Variants in RALYL observed in about 807,000 individuals in gnomAD.
RALYL encodes RALY RNA binding protein like, also known as RNA-binding Raly-like protein.
RALYL carries 29 observed loss-of-function variants against 35.1 expected under a neutral mutation model. That is an observed-to-expected ratio of 0.83 (90% CI 0.61 to 1.13). The LOEUF (loss-of-function observed/expected upper bound fraction) is 1.13. RALYL is among the 50% of genes most tolerant of loss of function. The pLI is 0.00. For missense variants in RALYL, 359 were observed against 360.4 expected, an observed-to-expected ratio of 1.00 and a Z score of 0.03; for synonymous variants, 120 against 127.6, an observed-to-expected ratio of 0.94 and a Z score of 0.40.
intron 2 of RALYL, among the ~76,000 whole-genome samples, chr8:84,732,672 A>ATATATATATATGTG (rs1846422443): frequency 7.2e-6 from 1 of 138,222 alleles, no homozygotes; most frequent in African/African-American, 2.9e-5. Context: ...AAATAATTAT[A>ATATATATATATGTG]TATATATATA....
At chr8:84,887,535 T>A (rs1162461585) in intron 7 of RALYL, 69 bp from the exon 8 acceptor site, 5 of 1,424,540 alleles carry the variant, frequency 3.5e-6, no homozygotes, top group Non-Finnish European at 4.8e-6. Flanking sequence ...TGGACTGTTT[T>A]TTCATGGTTT....
intron 2 of RALYL, among the ~76,000 whole-genome samples, chr8:84,690,530 G>T (rs1035371096): frequency 5.3e-5 from 8 of 152,076 alleles, no homozygotes; most frequent in African/African-American, 1.9e-4. Flanking sequence ...AATGGTAATG[G>T]ATGTGTTAAG....
chr8:84,204,156 C>T (rs1358749530), intron 1 of RALYL, among the ~76,000 whole-genome samples: 2 of 151,360 alleles, frequency 1.3e-5, no homozygotes, highest in East Asian at 1.9e-4. Context: ...AATAAGAACA[C>T]AGAAATATCA....
rs568566752 is a variant in RALYL, at chr8:84,380,029, A to G, written c.-23-149270A>G. ...ACCCATCAGGTGATAAGAAACTTTA[A>G]TGGTGGTAGACTATATGCTTCTCAA... On this transcript the variant is annotated intron_variant, in intron 1 of 8. Coordinates refer to ENST00000521268, the MANE Select transcript of RALYL (RefSeq NM_173848.7). Among the ~76,000 whole-genome samples, 8 of 151,352 alleles carry G rather than the reference A, an allele frequency of 5.3e-5. No homozygotes were observed. The East Asian group carries it at 1.6e-3, about 30-fold the overall frequency.
chr8:84,840,124 CTT>C (rs1326780447), intron 4 of RALYL, among the ~76,000 whole-genome samples: 2 of 152,120 alleles, frequency 1.3e-5, no homozygotes, highest in Non-Finnish European at 2.9e-5. Flanking sequence ...CAGGGAATGA[CTT>C]TGACGAGTTG....
chr8:84,766,036 A>G (rs1439149925), intron 2 of RALYL, among the ~76,000 whole-genome samples: 2 of 152,304 alleles, frequency 1.3e-5, no homozygotes, highest in Middle Eastern at 3.4e-3. Context: ...GTGGTAGAGT[A>G]AGTTGCAAAT....
intron 1 of RALYL, among the ~76,000 whole-genome samples, chr8:84,437,574 T>C (rs564142517): frequency 6.6e-6 from 1 of 152,218 alleles, no homozygotes; most frequent in Non-Finnish European, 1.5e-5. Context: ...TGGTATCTCA[T>C]TGTGGTTTTG....
chr8:84,372,587 A>G (rs1260476766), intron 1 of RALYL, among the ~76,000 whole-genome samples: 1 of 151,974 alleles, frequency 6.6e-6, no homozygotes, highest in Admixed American at 6.6e-5. Flanking sequence ...AAATAAAAAT[A>G]AAATAAGCTA....
At chr8:84,333,893 T>C (rs571448401) in intron 1 of RALYL, among the ~76,000 whole-genome samples, 9 of 152,284 alleles carry the variant, frequency 5.9e-5, no homozygotes, top group African/African-American at 1.9e-4. Flanking sequence ...AACTTGTTTT[T>C]TTCCCCCCTT....
At chr8:84,226,805 C>G (rs774295790) in intron 1 of RALYL, among the ~76,000 whole-genome samples, 1 of 151,936 alleles carries the variant, frequency 6.6e-6, no homozygotes, top group East Asian at 1.9e-4. Context: ...ATTAAAAATC[C>G]AGTTGGATTG....
chr8:84,238,379 G>T (rs568668964), intron 1 of RALYL, among the ~76,000 whole-genome samples: 4 of 151,188 alleles, frequency 2.6e-5, no homozygotes, highest in African/African-American at 9.7e-5. Flanking sequence ...TTTTTTCTCC[G>T]AAGACTCAAA....
Position 84,887,722 on chromosome 8 carries a change from A to T in RALYL, c.804A>T (p.Glu268Asp). 6.2e-7 allele frequency: 1 copy of T among 1,613,920 alleles called. No individual in the cohort carries two copies. The highest frequency in any genetic ancestry group is 8.5e-7 in the Non-Finnish European group (1 of 1,179,820). Reference sequence around the variant, plus strand: ...AAGGAGGGCCAGATGCCGATGGAGAAGAGATGACAGATGGGATAGAGGAGG... The same window carrying T: ...AAGGAGGGCCAGATGCCGATGGAGATGAGATGACAGATGGGATAGAGGAGG... ...PAEGGPDADGEEMTDGIEEDF... is the reference protein window; with the variant it reads ...PAEGGPDADGDEMTDGIEEDF... Residue 268 changes from glutamate to aspartate, a missense_variant, in exon 8 of 9, where the codon GAA becomes GAT. Coordinates refer to ENST00000521268, the MANE Select transcript of RALYL (RefSeq NM_173848.7).
At position 84,353,869 on chromosome 8, in the gene RALYL, C is replaced by T. The variant is rs1336358142; in HGVS notation, c.-24+169445C>T. Among the ~76,000 whole-genome samples the T allele has an allele frequency of 3.3e-5, 5 of 149,706 alleles. No homozygotes were observed. The East Asian group carries it at 5.8e-4, about 17-fold the overall frequency. On this transcript the variant is annotated intron_variant, in intron 1 of 8. Coordinates refer to ENST00000521268, the MANE Select transcript of RALYL (RefSeq NM_173848.7). ...TAGTGTCATAAATGTCTTTGTTCCT[C>T]TTTGAAAGCCATTATATAACAAAAG...
At chr8:84,407,062 AC>A (rs1563867430) in intron 1 of RALYL, among the ~76,000 whole-genome samples, 2 of 148,424 alleles carry the variant, frequency 1.3e-5, no homozygotes, top group Non-Finnish European at 3.0e-5. Flanking sequence ...ACACACACAC[AC>A]ACACAAACAC....
intron 4 of RALYL, among the ~76,000 whole-genome samples, chr8:84,840,849 T>C (rs976390466): frequency 1.3e-4 from 20 of 152,150 alleles, no homozygotes; most frequent in African/African-American, 4.6e-4. Context: ...AACTCAGAAT[T>C]TCATATCCAG....
chr8:84,455,282 A>T (rs2050001507), intron 1 of RALYL, among the ~76,000 whole-genome samples: 1 of 152,042 alleles, frequency 6.6e-6, no homozygotes, highest in Admixed American at 6.6e-5. Flanking sequence ...TAGATAAGGT[A>T]TACCTTATGT....
intron 1 of RALYL, among the ~76,000 whole-genome samples, chr8:84,188,950 A>G (rs1489953785): frequency 6.6e-6 from 1 of 152,094 alleles, no homozygotes; most frequent in African/African-American, 2.4e-5. Flanking sequence ...TTATCCTGCT[A>G]TTTTTCTGGG....
At chr8:84,477,672 A>C (rs2053582869) in intron 1 of RALYL, among the ~76,000 whole-genome samples, 1 of 150,414 alleles carries the variant, frequency 6.6e-6, no homozygotes, top group African/African-American at 2.4e-5. Context: ...AATGGCAGAA[A>C]TAATGAGTAT....
chr8:84,275,638 T>C (rs1835223786), intron 1 of RALYL, among the ~76,000 whole-genome samples: 1 of 152,248 alleles, frequency 6.6e-6, no homozygotes, highest in East Asian at 1.9e-4. Flanking sequence ...ATTTATTCTT[T>C]CTATCAAATC....
Sources: gnomAD v4.1 joint callset for allele counts (sites outside exome capture counted in the v4.1 genomes callset) on GRCh38, gnomAD v4.1.1 for gene constraint, MANE v1.5 for transcripts, NCBI Gene and HGNC (gene_info 2026-07-23, HGNC 2026-07-21) for gene names.